The following PLXNB2 variants were observed in gnomAD, a reference collection of about 807,000 sequenced individuals.
PLXNB2 encodes the protein plexin-B2.
In PLXNB2, 85 loss-of-function variants were observed where a neutral mutation model predicts 202.6. The observed-to-expected ratio is 0.42, with a 90% CI of 0.35 to 0.50. The LOEUF (loss-of-function observed/expected upper bound fraction) is 0.50. PLXNB2 is among the 20% of genes least tolerant of loss of function. The pLI, the probability that PLXNB2 is intolerant of heterozygous loss-of-function variation, is 0.02. For missense variants in PLXNB2, 2,063 were observed against 2,586.2 expected (o/e 0.80, Z 4.39); for synonymous variants, 1,239 against 1,137.6 (o/e 1.09, Z -1.79).
intron 2 of PLXNB2, among the ~76,000 whole-genome samples, chr22:50,293,704 G>A (rs1017787650): frequency 3.3e-5 from 5 of 152,214 alleles, no homozygotes; most frequent in Admixed American, 6.5e-5. Flanking sequence ...GGAACCCTGC[G>A]GCGCCCCTAG....
intron 32 of PLXNB2, 23 bp downstream of exon 32, chr22:50,277,830 G>C (rs202100308): frequency 1.2e-6 from 2 of 1,608,088 alleles, no homozygotes; most frequent in East Asian, 4.5e-5. Flanking sequence ...GGGCTGGGCC[G>C]CGGGGTGGGT....
At chr22:50,295,689 G>A (rs1416627863) in intron 1 of PLXNB2, among the ~76,000 whole-genome samples, 3 of 152,178 alleles carry the variant, frequency 2.0e-5, no homozygotes, top group Non-Finnish European at 2.9e-5. Context: ...AGGATACTGT[G>A]GAAGACTACA....
intron 33 of PLXNB2, among the ~76,000 whole-genome samples, 169 bp downstream of exon 33, chr22:50,277,422 C>T (rs1476474293): frequency 6.6e-6 from 1 of 152,210 alleles, no homozygotes; most frequent in Non-Finnish European, 1.5e-5. Context: ...ATCTCCCAGG[C>T]TCTGCCGGGC....
chr22:50,301,986 C>A (rs1240391238), intron 1 of PLXNB2, among the ~76,000 whole-genome samples: 1 of 152,240 alleles, frequency 6.6e-6, no homozygotes, highest in Non-Finnish European at 1.5e-5. Context: ...ACCCAGAACT[C>A]GTCCCCAGTA....
In PLXNB2 at chr22:50,284,442, C is replaced by T. The variant is rs544032674; in HGVS notation, c.2181+131G>A. 166 of 764,980 alleles carry T rather than the reference C, an allele frequency of 2.2e-4. 2 individuals are homozygous for T. The East Asian group carries it at 2.8e-3, about 13-fold the overall frequency. The allele number at this position is 764,980 out of a possible 1,614,324, so 47.4% of individuals were successfully genotyped here. A position where few individuals can be genotyped will look rare whatever the true frequency, so the allele number is the denominator to read the frequency against. ...GCTTCCCCAGCAGCACAGGGCATGG[C>T]GAGCCCCTGGCTGGGCTCTGGTCCC... On this transcript the variant is annotated intron_variant, in intron 12 of 36. Coordinates refer to ENST00000359337, the MANE Select transcript of PLXNB2 (RefSeq NM_012401.4). This position sits in a 1 kb window ranked among gnomAD's most constrained non-coding sequence, Gnocchi z 8.0.
chr22:50,278,691 G>A lies in PLXNB2; in HGVS notation c.4552C>T (p.Arg1518Cys), dbSNP rs2065781631. ...AGGATCTGCGCTGTGGAGCCCGGAC[G>A]CCACTCTGTGGGAAGAGACAGCCCA... ...PRPDSVVLEW[R>C]PGSTAQILSD... is the part of the protein sequence containing the mutation. The change falls in exon 29 of 37, where the codon CGT becomes TGT. Residue 1518 changes from arginine (R) to cysteine (C), a missense_variant. Coordinates refer to ENST00000359337, the MANE Select transcript of PLXNB2 (RefSeq NM_012401.4). 1.9e-6 allele frequency: 3 copies of A among 1,609,906 alleles called. No homozygotes were observed. The highest frequency in any genetic ancestry group is 1.3e-5 in the African/African-American group (1 of 74,848).
intron 11 of PLXNB2, among the ~76,000 whole-genome samples, chr22:50,285,270 G>T (rs1164735740): frequency 2.0e-5 from 2 of 101,696 alleles, no homozygotes; most frequent in African/African-American, 8.1e-5. Flanking sequence ...CCGCACCTGA[G>T]CCTGCCTGTC....
intron 33 of PLXNB2, 102 bp downstream of exon 33, chr22:50,277,489 A>G: frequency 8.2e-7 from 1 of 1,218,028 alleles, no homozygotes; most frequent in East Asian, 2.5e-5. Flanking sequence ...CTCCAGCCCA[A>G]GATATTCAAA....
chr22:50,280,699 C>G, intron 24 of PLXNB2, 29 bp from the exon 25 acceptor site: 1 of 1,596,804 alleles, frequency 6.3e-7, no homozygotes, highest in Non-Finnish European at 8.5e-7. Context: ...AAAGCCTGCC[C>G]GGCGCCACCT....
At chr22:50,299,913 C>T (rs2067564582) in intron 1 of PLXNB2, among the ~76,000 whole-genome samples, 2 of 152,162 alleles carry the variant, frequency 1.3e-5, no homozygotes, top group Admixed American at 1.3e-4. Context: ...GGCACAGCCC[C>T]TCCCCCGGCG....
intron 2 of PLXNB2, among the ~76,000 whole-genome samples, chr22:50,292,147 C>T (rs2066913357): frequency 6.6e-6 from 1 of 152,038 alleles, no homozygotes; most frequent in African/African-American, 2.4e-5. Context: ...ACCAGCCTGG[C>T]CAACATGGTG....
rs879923763 is a variant in PLXNB2 at position 50,291,455 on chromosome 22, G to A, written c.-13-858C>T. ...CGGTGTGGGGTCTGTGCCTGGGTCCGGGTGGATGAGGGGGATGTGTGGTGT... is the reference window on the plus strand; with the variant it reads ...CGGTGTGGGGTCTGTGCCTGGGTCCAGGTGGATGAGGGGGATGTGTGGTGT... On this transcript the variant is annotated intron_variant, in intron 2 of 36. Coordinates refer to ENST00000359337, the MANE Select transcript of PLXNB2 (RefSeq NM_012401.4). The surrounding 1 kb of genome is among the most constrained non-coding windows in gnomAD (Gnocchi z 4.3). Among the ~76,000 whole-genome samples, 5 of 152,128 alleles carry A rather than the reference G, an allele frequency of 3.3e-5. No individual in the cohort carries two copies. Among genetic ancestry groups the A allele is most frequent in the Admixed American group, 2.6e-4 (4 of 15,278 alleles).
Position 50,283,389 on chromosome 22 carries a change from T to A in PLXNB2, c.2627A>T (p.Asp876Val). Residue 876 changes from aspartate to valine, a missense_variant, in exon 16 of 37, where the codon GAC (aspartate) becomes GTC (valine). Coordinates refer to ENST00000359337, the MANE Select transcript of PLXNB2 (RefSeq NM_012401.4). Reference protein sequence around the residue: ...ETPFTGGVEVDVFGKLGRSPP... With the variant: ...ETPFTGGVEVVVFGKLGRSPP... ...CGAACGGCCCAGTTTCCCGAAGACG[T>A]CCACCTCGACACCCCCCGTGAAAGG... The A allele has an allele frequency of 6.2e-7, 1 of 1,613,072 alleles. No individual in the cohort carries two copies. The highest frequency in any genetic ancestry group is 8.5e-7 in the Non-Finnish European group (1 of 1,179,900).
rs201434679 is a variant in PLXNB2, at chr22:50,278,061, G to T, written c.4888-48C>A. 9.4e-6 allele frequency: 15 copies of T among 1,600,696 alleles called. No individual in the cohort carries two copies. The East Asian group carries it at 1.3e-4, about 14-fold the overall frequency. ...GTGACGCCGTGGGCGCGGCTCCTGG[G>T]GGGGAGGGTCTCAGCGTGGCGGCCT... On this transcript the variant is annotated intron_variant, in intron 31 of 36. Transcript: ENST00000359337.
At chr22:50,276,247 G>A (rs1569154665) in intron 35 of PLXNB2, among the ~76,000 whole-genome samples, 1 of 151,870 alleles carries the variant, frequency 6.6e-6, no homozygotes, top group Non-Finnish European at 1.5e-5. Flanking sequence ...GAGCCGCAGG[G>A]AGGGGGCGCT....
intron 26 of PLXNB2, 111 bp from the exon 27 acceptor site, chr22:50,279,887 AG>A: frequency 1.4e-6 from 2 of 1,448,948 alleles, no homozygotes; most frequent in Non-Finnish European, 1.9e-6. Context: ...AGGGGCAGGA[AG>A]CAAACCTGTC....
intron 30 of PLXNB2, 32 bp downstream of exon 30, chr22:50,278,403 T>C (rs1046534592): frequency 1.3e-6 from 2 of 1,562,888 alleles, no homozygotes; most frequent in Non-Finnish European, 1.7e-6. Flanking sequence ...CACCAGGGGC[T>C]GGAAGGAAAC....
At chr22:50,301,869 C>T (rs905782515) in intron 1 of PLXNB2, among the ~76,000 whole-genome samples, 6 of 152,246 alleles carry the variant, frequency 3.9e-5, no homozygotes, top group Non-Finnish European at 8.8e-5. Context: ...TGGGGCACCG[C>T]GCCAAGCCTG....
chr22:50,295,301 C>G (rs947479260), intron 1 of PLXNB2, among the ~76,000 whole-genome samples: 1 of 129,042 alleles, frequency 7.7e-6, no homozygotes, highest in African/African-American at 2.9e-5. Context: ...AGCCTGACTT[C>G]GTCTCAAAAA....
Sources: gnomAD v4.1 joint callset for allele counts (sites outside exome capture counted in the v4.1 genomes callset) on GRCh38, gnomAD v4.1.1 for gene constraint, Gnocchi (gnomAD v3.1) non-coding constraint, MANE v1.5 for transcripts, NCBI Gene and HGNC (gene_info 2026-07-23, HGNC 2026-07-21) for gene names.